DACH2: variants seen among roughly 807,000 people sequenced by gnomAD.
DACH2 encodes dachshund homolog 2.
DACH2 carries 17 observed loss-of-function variants against 35.8 expected under a neutral mutation model. The ratio of observed to expected loss-of-function variants is 0.48; its 90% CI spans 0.33 to 0.71. The LOEUF (loss-of-function observed/expected upper bound fraction) is 0.71. Ranked by LOEUF, DACH2 falls within the 30% of genes least tolerant of loss-of-function variation. DACH2 has a pLI of 0.02. For synonymous variants in DACH2, 195 were observed against 177.3 expected (o/e 1.10, Z -0.79); for missense variants, 469 against 472.7 (o/e 0.99, Z 0.07).
At chrX:86,520,890 C>T (rs768545724) in intron 3 of DACH2, among the ~76,000 whole-genome samples, 76 of 111,276 alleles carry the variant, frequency 6.8e-4, no homozygotes, top group Admixed American at 1.9e-3. Context: ...GGGCATTTAG[C>T]CCATTTACAT....
chrX:86,570,437 G>A (rs920287341), intron 3 of DACH2, among the ~76,000 whole-genome samples: 1 of 111,346 alleles, frequency 9.0e-6, no homozygotes, highest in Non-Finnish European at 1.9e-5. Flanking sequence ...GTCCTTTGCA[G>A]GGAGATGGAT....
chrX:86,291,172 T>A lies in DACH2; in HGVS notation c.489-85652T>A, dbSNP rs767256712. ...GTATGTTGGATTCCTAGGTATTTTA[T>A]TCTCTTTGAAGCAATTGTGAATGAG... On this transcript the variant is annotated intron_variant, in intron 1 of 11. Transcript: ENST00000373125. Among the ~76,000 whole-genome samples the A allele has an allele frequency of 5.2e-3, 565 of 109,163 alleles. 6 individuals carry two copies. The highest frequency in any genetic ancestry group is 0.018 in the African/African-American group (536 of 29,713). 94.8% of individuals were successfully genotyped at this position (109,163 alleles called of 115,157 possible).
At chrX:86,467,518 A>G (rs1163226677) in intron 2 of DACH2, among the ~76,000 whole-genome samples, 1 of 111,186 alleles carries the variant, frequency 9.0e-6, no homozygotes, top group Non-Finnish European at 1.9e-5. Context: ...GAAAGTTCCA[A>G]ACTTTCCCAC....
chrX:86,467,104 T>C (rs2037684590), intron 2 of DACH2, among the ~76,000 whole-genome samples: 2 of 111,934 alleles, frequency 1.8e-5, no homozygotes, highest in African/African-American at 6.5e-5. Context: ...CCTCAGAAAA[T>C]GAGTTTTTCT....
intron 3 of DACH2, among the ~76,000 whole-genome samples, chrX:86,564,647 C>A (rs1368949260): frequency 1.8e-5 from 2 of 111,293 alleles, no homozygotes; most frequent in Non-Finnish European, 3.8e-5. Context: ...TCAGCAGTAT[C>A]TTAATAATAA....
chrX:86,206,007 G>A (rs1490106204), intron 1 of DACH2, among the ~76,000 whole-genome samples: 5 of 112,010 alleles, frequency 4.5e-5, no homozygotes, highest in African/African-American at 1.6e-4. Flanking sequence ...AAACTTGAGA[G>A]TTAAGTAGAG....
At position 86,619,605 on chromosome X, in the gene DACH2, T is replaced by G. The variant is rs773020149; in HGVS notation, c.641-31431T>G. ...TCTTGAGATTTCTTCAAGCCATAGA[T>G]CTTGACTGACAGTGCTATTAAATAA... is the stretch of plus-strand genomic sequence containing the variant. On this transcript the variant is annotated intron_variant, in intron 3 of 11. Transcript: ENST00000373125. Among the ~76,000 whole-genome samples, 266 of 112,080 alleles carry G rather than the reference T, an allele frequency of 2.4e-3. 1 individual carries two copies. Among genetic ancestry groups the G allele is most frequent in the African/African-American group, 8.2e-3 (253 of 30,879 alleles).
chrX:86,503,760 G>A (rs186639259), intron 2 of DACH2, among the ~76,000 whole-genome samples: 2 of 111,799 alleles, frequency 1.8e-5, no homozygotes, highest in East Asian at 5.7e-4. Flanking sequence ...GAAATATCAC[G>A]CTTTTAGGAA....
chrX:86,156,521 A>G (rs886444522), intron 1 of DACH2, among the ~76,000 whole-genome samples: 6 of 111,745 alleles, frequency 5.4e-5, no homozygotes, highest in African/African-American at 1.9e-4. Context: ...AACCTTTCAC[A>G]AATACACATG....
At chrX:86,725,173 T>C (rs2041452141) in intron 6 of DACH2, among the ~76,000 whole-genome samples, 1 of 111,683 alleles carries the variant, frequency 9.0e-6, no homozygotes, top group South Asian at 3.7e-4. Context: ...ATATTTTATC[T>C]GTCATTCAGT....
chrX:86,336,895 G>A (rs56099600), intron 1 of DACH2, among the ~76,000 whole-genome samples: 1 of 108,731 alleles, frequency 9.2e-6, no homozygotes, highest in Non-Finnish European at 1.9e-5. Flanking sequence ...ACCTGATAGA[G>A]CTGAAAAACA....
chrX:86,433,384 G>T (rs1465307893), intron 2 of DACH2, among the ~76,000 whole-genome samples: 1 of 111,583 alleles, frequency 9.0e-6, no homozygotes, highest in Admixed American at 9.6e-5. Flanking sequence ...TAAATTTAAT[G>T]GGTGCTTCAG....
intron 3 of DACH2, among the ~76,000 whole-genome samples, chrX:86,597,044 G>T (rs756062539): frequency 9.0e-6 from 1 of 111,607 alleles, no homozygotes; most frequent in Non-Finnish European, 1.9e-5. Flanking sequence ...CAGTCTTGTA[G>T]TAAGTTTTGA....
At chrX:86,514,962 T>G (rs948048856) in intron 3 of DACH2, among the ~76,000 whole-genome samples, 2 of 111,585 alleles carry the variant, frequency 1.8e-5, no homozygotes, top group Non-Finnish European at 3.8e-5. Context: ...AAATTAGCAT[T>G]GAACTTTGTT....
intron 3 of DACH2, among the ~76,000 whole-genome samples, chrX:86,555,094 C>T (rs1157053802): frequency 9.0e-6 from 1 of 111,174 alleles, no homozygotes; most frequent in Admixed American, 9.6e-5. Context: ...TGTTTATACC[C>T]AGATGGTTTA....
intron 3 of DACH2, among the ~76,000 whole-genome samples, chrX:86,517,711 C>G (rs768156811): frequency 9.0e-6 from 1 of 111,584 alleles, no homozygotes; most frequent in South Asian, 3.8e-4. Flanking sequence ...AGCCACCACG[C>G]CTGACCCTTT....
At chrX:86,763,326 C>T (rs975750404) in intron 7 of DACH2, among the ~76,000 whole-genome samples, 1 of 112,171 alleles carries the variant, frequency 8.9e-6, no homozygotes, top group Non-Finnish European at 1.9e-5. Flanking sequence ...GTGTTTGAAT[C>T]CCACAAATAT....
At chrX:86,230,533 C>G (rs1602306363) in intron 1 of DACH2, among the ~76,000 whole-genome samples, 1 of 111,226 alleles carries the variant, frequency 9.0e-6, no homozygotes, top group African/African-American at 3.3e-5. Context: ...TTCTTTCTCT[C>G]TCTTGTGGAA....
At chrX:86,773,544 T>G (rs1455601213) in intron 7 of DACH2, among the ~76,000 whole-genome samples, 1 of 112,287 alleles carries the variant, frequency 8.9e-6, no homozygotes, top group Non-Finnish European at 1.9e-5. Context: ...TTTACTATGG[T>G]GATGTGATCA....
Sources: allele counts gnomAD v4.1 joint callset (sites outside exome capture counted in the v4.1 genomes callset), GRCh38; gene constraint gnomAD v4.1.1; transcripts MANE v1.5; gene names NCBI Gene and HGNC (gene_info 2026-07-23, HGNC 2026-07-21).